Variants in NXPE4 observed in about 807,000 individuals in gnomAD.
NXPE4 encodes the protein neurexophilin and PC-esterase domain family member 4, also known as NXPE family member 4.
In NXPE4, 42 loss-of-function variants were observed where a neutral mutation model predicts 33.3. That is an observed-to-expected ratio of 1.26 (90% confidence interval 0.98 to 1.63). The LOEUF is 1.63. Among genes scored for constraint, NXPE4 ranks in the 40% most tolerant of loss-of-function variants. NXPE4 has a pLI of 0.00. For synonymous variants in NXPE4, 253 were observed against 234.9 expected, an observed-to-expected ratio of 1.08 and a Z score of -0.71; for missense variants, 709 against 647.6, an observed-to-expected ratio of 1.09 and a Z score of -1.03.
the NXPE4 span, among the ~76,000 whole-genome samples, chr11:114,601,738 T>G: frequency 1.4e-5 from 1 of 72,018 alleles, no homozygotes; most frequent in African/African-American, 5.8e-5. Flanking sequence ...ATATTATATA[T>G]AATTATAATA....
chr11:114,641,919 A>G, the NXPE4 span, among the ~76,000 whole-genome samples: 1 of 152,134 alleles, frequency 6.6e-6, no homozygotes, highest in Non-Finnish European at 1.5e-5. Context: ...GAGTAACTTT[A>G]TGCCAACACA....
At chr11:114,645,077 G>A in the NXPE4 span, among the ~76,000 whole-genome samples, 2 of 151,768 alleles carry the variant, frequency 1.3e-5, no homozygotes, top group Non-Finnish European at 1.5e-5. Context: ...TGAGGCAGGC[G>A]GATTCCTTGA....
intron 5 of NXPE4, among the ~76,000 whole-genome samples, chr11:114,571,752 C>T (rs1948892719): frequency 6.6e-6 from 1 of 152,190 alleles, no homozygotes; most frequent in African/African-American, 2.4e-5. Flanking sequence ...TGAACTTCTG[C>T]TCCAAGAACT....
At chr11:114,674,774 T>C in the NXPE4 span, among the ~76,000 whole-genome samples, 36 of 151,884 alleles carry the variant, frequency 2.4e-4, no homozygotes, top group African/African-American at 8.7e-4. Flanking sequence ...ACAATTGAAG[T>C]AAAGGGAATA....
chr11:114,662,971 T>C, the NXPE4 span, among the ~76,000 whole-genome samples: 1 of 152,104 alleles, frequency 6.6e-6, no homozygotes. Flanking sequence ...TCAGCCACAA[T>C]GGAGGAGAGC....
chr11:114,625,714 G>A, the NXPE4 span, among the ~76,000 whole-genome samples: 7 of 152,282 alleles, frequency 4.6e-5, no homozygotes, highest in East Asian at 1.4e-3. Context: ...ACAGCTCCCA[G>A]CATGAGCGAC....
At chr11:114,607,188 A>G in the NXPE4 span, among the ~76,000 whole-genome samples, 6 of 151,762 alleles carry the variant, frequency 4.0e-5, no homozygotes, top group Non-Finnish European at 5.9e-5. Context: ...ATCGTGGGTG[A>G]CAATTCTTAC....
the NXPE4 span, among the ~76,000 whole-genome samples, chr11:114,665,528 G>C: frequency 3.3e-4 from 51 of 152,298 alleles, no homozygotes; most frequent in Non-Finnish European, 7.4e-5. Flanking sequence ...AGCATGCAAA[G>C]AGTTATGTAC....
chr11:114,652,949 C>G, the NXPE4 span, among the ~76,000 whole-genome samples: 3 of 152,170 alleles, frequency 2.0e-5, no homozygotes, highest in Non-Finnish European at 4.4e-5. Flanking sequence ...TTTTAGTATT[C>G]TTAAAAATCT....
At position 114,594,432 on chromosome 11, in the gene NXPE4, T is replaced by C. The variant is rs1340171364; in HGVS notation, c.96+232A>G. Among the ~76,000 whole-genome samples the C allele has an allele frequency of 2.0e-5, 3 of 152,300 alleles. 1 individual carries two copies. In the East Asian group the frequency reaches 5.8e-4, roughly 29 times the overall value. ...AAGATGAGCTAAGCATTGAAGAAGA[T>C]AGGTGCAATGCATTTATTTGTGACA... On this transcript the variant is annotated intron_variant, in intron 2 of 5. Transcript: ENST00000375478.
the NXPE4 span, among the ~76,000 whole-genome samples, chr11:114,659,919 A>T: frequency 1.3e-5 from 2 of 152,122 alleles, no homozygotes; most frequent in Non-Finnish European, 1.5e-5. Flanking sequence ...ACTGCTCAGG[A>T]TGACTAAAAA....
the NXPE4 span, among the ~76,000 whole-genome samples, chr11:114,607,985 C>T: frequency 1.2e-4 from 18 of 151,600 alleles, no homozygotes; most frequent in African/African-American, 1.2e-4. Context: ...CGTGAGTCAC[C>T]GCTGCTACCT....
At chr11:114,591,585 G>T (rs1189242096) in intron 2 of NXPE4, among the ~76,000 whole-genome samples, 1 of 152,018 alleles carries the variant, frequency 6.6e-6, no homozygotes, top group Non-Finnish European at 1.5e-5. Context: ...GTACTCCCCT[G>T]CAAAAATAGA....
chr11:114,579,456 G>A (rs1351104025), intron 5 of NXPE4, among the ~76,000 whole-genome samples: 1 of 152,154 alleles, frequency 6.6e-6, no homozygotes, highest in Non-Finnish European at 1.5e-5. Flanking sequence ...CATGCCCAAA[G>A]TCATTGTTTC....
intron 2 of NXPE4, among the ~76,000 whole-genome samples, chr11:114,588,374 A>C (rs1405926332): frequency 2.6e-5 from 4 of 152,182 alleles, no homozygotes; most frequent in African/African-American, 9.7e-5. Context: ...GATGACCCTG[A>C]TAAGTATATA....
the NXPE4 span, among the ~76,000 whole-genome samples, chr11:114,601,914 T>TATATATTATATTTATATA: frequency 2.5e-5 from 1 of 39,786 alleles, no homozygotes; most frequent in Non-Finnish European, 5.0e-5. Flanking sequence ...TATTATATAA[T>TATATATTATATTTATATA]TATATATAAT....
chr11:114,578,453 A>G (rs997807768), intron 5 of NXPE4, among the ~76,000 whole-genome samples: 1 of 152,184 alleles, frequency 6.6e-6, no homozygotes, highest in Non-Finnish European at 1.5e-5. Context: ...GGCTGTTACT[A>G]GACCCTGAAT....
the NXPE4 span, among the ~76,000 whole-genome samples, chr11:114,633,397 ATAT>A: frequency 1.4e-5 from 2 of 144,764 alleles, no homozygotes; most frequent in African/African-American, 5.0e-5. Flanking sequence ...TATATATTAT[ATAT>A]TATATTTTAT....
At chr11:114,613,961 C>T in the NXPE4 span, among the ~76,000 whole-genome samples, 1,295 of 151,402 alleles carry the variant, frequency 8.6e-3, 16 homozygotes, top group African/African-American at 0.029. Flanking sequence ...CACTGTTTAC[C>T]GGTGGATAAT....
Sources: allele counts gnomAD v4.1 joint callset (sites outside exome capture counted in the v4.1 genomes callset), GRCh38; gene constraint gnomAD v4.1.1; transcripts MANE v1.5; gene names NCBI Gene and HGNC (gene_info 2026-07-23, HGNC 2026-07-21).